EPHA3: variants seen among roughly 807,000 people sequenced by gnomAD.
EPHA3 encodes EPH receptor A3, also known as ephrin type-A receptor 3.
Under a neutral mutation model 107.1 loss-of-function variants are expected in EPHA3, and 42 were observed. The ratio of observed to expected loss-of-function variants is 0.39; its 90% CI spans 0.31 to 0.51. EPHA3 has a LOEUF of 0.51. EPHA3 is among the 20% of genes least tolerant of loss of function. The pLI is 0.78. For missense variants in EPHA3, 1,183 were observed against 1,211.2 expected (o/e 0.98, Z 0.35); for synonymous variants, 461 against 424.8 (o/e 1.09, Z -1.05).
chr3:89,124,971 C>A (rs1704062032), intron 1 of EPHA3, among the ~76,000 whole-genome samples: 1 of 151,820 alleles, frequency 6.6e-6, no homozygotes. Flanking sequence ...TAGTCCAGTT[C>A]TTTTCCATTG....
intron 3 of EPHA3, among the ~76,000 whole-genome samples, chr3:89,280,170 G>A (rs1705907189): frequency 6.6e-6 from 1 of 151,962 alleles, no homozygotes; most frequent in South Asian, 2.1e-4. Flanking sequence ...TTTATTTCCT[G>A]CAAAAATAGA....
intron 5 of EPHA3, among the ~76,000 whole-genome samples, chr3:89,344,208 C>T (rs1707592690): frequency 6.6e-6 from 1 of 152,136 alleles, no homozygotes. Flanking sequence ...TCTGACAATG[C>T]ATTTATCAGG....
chr3:89,431,210 G>T lies in EPHA3; in HGVS notation c.2197G>T (p.Gly733Cys), dbSNP rs1559693939. The T allele has an allele frequency of 6.2e-7, 1 of 1,613,710 alleles. No homozygotes were observed. The change falls in exon 13 of 17, where the codon GGC (glycine) becomes TGC (cysteine). Residue 733 changes from glycine to cysteine, a missense_variant. Gly to Cys is a radical substitution (Grantham distance 159). Coordinates refer to ENST00000336596, the MANE Select transcript of EPHA3 (RefSeq NM_005233.6). ...GGGGATGCTTCGAGGGATAGCATCT[G>T]GCATGAAGTACCTGTCAGACATGGG... The part of the protein sequence containing the change: ...LVGMLRGIAS[G>C]MKYLSDMGYV...
intron 15 of EPHA3, among the ~76,000 whole-genome samples, chr3:89,469,650 T>C (rs926335442): frequency 1.9e-4 from 29 of 152,324 alleles, no homozygotes; most frequent in Admixed American, 5.2e-4. Flanking sequence ...TCATAGATTT[T>C]CTCATTTAGA....
chr3:89,480,231 A>G lies in EPHA3; in HGVS notation c.*729A>G, dbSNP rs750551534. 4 of 232,948 alleles carry G rather than the reference A, an allele frequency of 1.7e-5. No individual in the cohort carries two copies. Among genetic ancestry groups the G allele is most frequent in the African/African-American group, 6.6e-5 (3 of 45,306 alleles). 14.4% of individuals were successfully genotyped at this position (232,948 alleles called of 1,614,324 possible). A position where few individuals can be genotyped will look rare whatever the true frequency, so the allele number is the denominator to read the frequency against. On this transcript the variant is annotated 3_prime_UTR_variant, in exon 17 of 17. Transcript: ENST00000336596. ...CAGCCAAGTGCCAAATGCTCTCTCA[A>G]ATTGTCAGCAATTTAACTAGACACA...
Position 89,472,464 on chromosome 3 carries a change from G to C in EPHA3, c.2691G>C (p.Arg897Ser). 1 of 1,610,494 alleles carries C rather than the reference G, an allele frequency of 6.2e-7. No homozygotes were observed. Among genetic ancestry groups the C allele is most frequent in the Non-Finnish European group, 8.5e-7 (1 of 1,178,724 alleles). ...SLKIITSAAARPSNLLLDQSN... is the reference protein window; with the variant it reads ...SLKIITSAAASPSNLLLDQSN... Reference sequence around the variant, plus strand: ...CCCTTTGGTGTTTTTTTTCTTGCAGGCCATCAAACCTTCTTCTGGACCAAA... The same window carrying C: ...CCCTTTGGTGTTTTTTTTCTTGCAGCCCATCAAACCTTCTTCTGGACCAAA... Residue 897 changes from arginine to serine, a missense_variant and splice_region_variant, in exon 16 of 17, where the codon AGG (arginine) becomes AGC (serine). Transcript: ENST00000336596.
intron 3 of EPHA3, among the ~76,000 whole-genome samples, chr3:89,338,251 C>A (rs1219590101): frequency 2.0e-5 from 3 of 152,094 alleles, no homozygotes; most frequent in Admixed American, 1.3e-4. Context: ...ACACTACTTG[C>A]CATAAAATTC....
chr3:89,179,291 C>T (rs562697581), intron 2 of EPHA3, among the ~76,000 whole-genome samples: 1 of 152,076 alleles, frequency 6.6e-6, no homozygotes, highest in East Asian at 1.9e-4. Flanking sequence ...ATTCCTCCCT[C>T]AAAAATCACA....
At chr3:89,407,451 G>A (rs1709077429) in intron 8 of EPHA3, 80 bp downstream of exon 8, 2 of 1,121,570 alleles carry the variant, frequency 1.8e-6, no homozygotes, top group East Asian at 2.4e-5. Context: ...AATGTGAAGA[G>A]TGTGCTCAAT....
chr3:89,291,934 G>C (rs1310196719), intron 3 of EPHA3, among the ~76,000 whole-genome samples: 1 of 152,178 alleles, frequency 6.6e-6, no homozygotes, highest in Non-Finnish European at 1.5e-5. Context: ...CTAGGAAACA[G>C]AGGTGATGTA....
chr3:89,119,367 C>G (rs1306752291), intron 1 of EPHA3, among the ~76,000 whole-genome samples: 2 of 152,046 alleles, frequency 1.3e-5, no homozygotes, highest in Non-Finnish European at 2.9e-5. Flanking sequence ...TCTCTTTCAT[C>G]AATAAATTAA....
intron 3 of EPHA3, among the ~76,000 whole-genome samples, chr3:89,291,065 A>G (rs1706197391): frequency 6.6e-6 from 1 of 152,102 alleles, no homozygotes; most frequent in African/African-American, 2.4e-5. Flanking sequence ...TAGTCAGCAT[A>G]ATGTTTGACT....
chr3:89,181,833 T>C (rs1046245718), intron 2 of EPHA3, among the ~76,000 whole-genome samples: 10 of 152,114 alleles, frequency 6.6e-5, no homozygotes, highest in South Asian at 4.1e-4. Flanking sequence ...GCATGCTAAT[T>C]GAGTGAAAGT....
intron 13 of EPHA3, among the ~76,000 whole-genome samples, chr3:89,438,347 G>A (rs1314152583): frequency 1.3e-5 from 2 of 151,996 alleles, no homozygotes; most frequent in Admixed American, 6.6e-5. Context: ...TCCTGACCTC[G>A]TGATCCGCCA....
At chr3:89,382,565 C>A (rs1220000907) in intron 5 of EPHA3, among the ~76,000 whole-genome samples, 3 of 150,618 alleles carry the variant, frequency 2.0e-5, no homozygotes, top group African/African-American at 4.9e-5. Flanking sequence ...AAGAGAAGCA[C>A]CAGGGTCAGT....
chr3:89,134,974 C>T (rs1704281436), intron 2 of EPHA3, among the ~76,000 whole-genome samples: 1 of 152,150 alleles, frequency 6.6e-6, no homozygotes, highest in African/African-American at 2.4e-5. Flanking sequence ...TAACATATTT[C>T]ACACTTAATT....
chr3:89,403,684 T>C (rs1478645453), intron 7 of EPHA3, among the ~76,000 whole-genome samples: 1 of 152,182 alleles, frequency 6.6e-6, no homozygotes, highest in African/African-American at 2.4e-5. Flanking sequence ...GTGTGCTTTG[T>C]GCACAAGAAA....
At chr3:89,130,879 G>T (rs369239070) in intron 2 of EPHA3, among the ~76,000 whole-genome samples, 1 of 151,990 alleles carries the variant, frequency 6.6e-6, no homozygotes, top group African/African-American at 2.4e-5. Context: ...CTCGTGATCC[G>T]CCCGCCTTGG....
At chr3:89,361,996 C>G (rs1708101592) in intron 5 of EPHA3, among the ~76,000 whole-genome samples, 1 of 151,026 alleles carries the variant, frequency 6.6e-6, no homozygotes, top group Non-Finnish European at 1.5e-5. Context: ...ATTTTCACAA[C>G]CCCCTCAAGG....
Sources: allele counts gnomAD v4.1 joint callset (sites outside exome capture counted in the v4.1 genomes callset), GRCh38; gene constraint gnomAD v4.1.1; transcripts MANE v1.5; gene names NCBI Gene and HGNC (gene_info 2026-07-23, HGNC 2026-07-21).